The following GRIK2 variants were observed in gnomAD, a reference collection of about 807,000 sequenced individuals.
The protein encoded by GRIK2 is glutamate receptor ionotropic, kainate 2.
A neutral mutation model predicts 100.3 loss-of-function variants in GRIK2; 32 were observed. That is an observed-to-expected ratio of 0.32 (90% CI 0.24 to 0.43). The LOEUF (loss-of-function observed/expected upper bound fraction) is 0.43. Among genes scored for constraint, GRIK2 ranks in the 20% least tolerant of loss-of-function variants. GRIK2 has a pLI of 1.00. For synonymous variants in GRIK2, 417 were observed against 389.4 expected, an observed-to-expected ratio of 1.07 and a Z score of -0.83; for missense variants, 843 against 1,114.9, an observed-to-expected ratio of 0.76 and a Z score of 3.47.
intron 2 of GRIK2, among the ~76,000 whole-genome samples, chr6:101,477,843 A>C (rs1169796854): frequency 6.6e-6 from 1 of 152,212 alleles, no homozygotes; most frequent in Non-Finnish European, 1.5e-5. Flanking sequence ...TTAGACTGTA[A>C]TTTACATTTA....
At chr6:101,612,844 G>T (rs1779742192) in intron 2 of GRIK2, among the ~76,000 whole-genome samples, 1 of 151,344 alleles carries the variant, frequency 6.6e-6, no homozygotes, top group Non-Finnish European at 1.5e-5. Flanking sequence ...GGTTCAATCA[G>T]GTAAAGGTAA....
intron 2 of GRIK2, among the ~76,000 whole-genome samples, chr6:101,505,874 CG>C (rs1251989168): frequency 2.0e-5 from 3 of 150,498 alleles, no homozygotes; most frequent in East Asian, 3.9e-4. Flanking sequence ...CCATAAGAAA[CG>C]TTTTTTTAAA....
intron 2 of GRIK2, among the ~76,000 whole-genome samples, chr6:101,578,200 C>G (rs1777878925): frequency 2.0e-5 from 3 of 152,150 alleles, no homozygotes; most frequent in Admixed American, 2.0e-4. Context: ...GCTCTCCATT[C>G]CCTCTTTTCC....
chr6:101,476,155 T>C (rs902706961), intron 2 of GRIK2, among the ~76,000 whole-genome samples: 1 of 152,106 alleles, frequency 6.6e-6, no homozygotes, highest in African/African-American at 2.4e-5. Flanking sequence ...TACCATATGA[T>C]GAATTTAGTA....
chr6:101,911,306 T>C (rs1444318204), intron 12 of GRIK2, among the ~76,000 whole-genome samples: 1 of 151,532 alleles, frequency 6.6e-6, no homozygotes, highest in Admixed American at 6.6e-5. Context: ...GTTTGCCTCA[T>C]TACATGAATC....
intron 2 of GRIK2, among the ~76,000 whole-genome samples, chr6:101,618,881 C>T (rs1042191740): frequency 6.6e-6 from 1 of 150,878 alleles, no homozygotes; most frequent in Non-Finnish European, 1.5e-5. Flanking sequence ...ACTTCCTCCT[C>T]TTATATATAA....
chr6:101,549,091 G>A (rs1397844566), intron 2 of GRIK2, among the ~76,000 whole-genome samples: 4 of 151,998 alleles, frequency 2.6e-5, no homozygotes, highest in Non-Finnish European at 5.9e-5. Context: ...TTAATTTAGG[G>A]GATATTAAAA....
At chr6:101,850,684 T>C (rs544573255) in intron 10 of GRIK2, among the ~76,000 whole-genome samples, 1 of 152,132 alleles carries the variant, frequency 6.6e-6, no homozygotes, top group African/African-American at 2.4e-5. Context: ...GATAAAAATA[T>C]ATGAGTTATT....
chr6:101,880,270 G>C (rs1470382559), intron 11 of GRIK2, among the ~76,000 whole-genome samples: 1 of 151,958 alleles, frequency 6.6e-6, no homozygotes, highest in Non-Finnish European at 1.5e-5. Flanking sequence ...CTGCTAATTG[G>C]ACAGTTTGGG....
chr6:101,829,712 G>A (rs115444705), intron 10 of GRIK2, among the ~76,000 whole-genome samples: 2,241 of 151,892 alleles, frequency 0.015, 60 homozygotes, highest in African/African-American at 0.051. Context: ...TTTATGAGGA[G>A]CACTAAAGAC....
At chr6:101,923,633 T>A (rs1208002098) in intron 12 of GRIK2, among the ~76,000 whole-genome samples, 1 of 152,104 alleles carries the variant, frequency 6.6e-6, no homozygotes, top group Non-Finnish European at 1.5e-5. Context: ...CTAAAACTGC[T>A]TTGATGGCTC....
chr6:101,935,949 T>G (rs1487192264), intron 14 of GRIK2, among the ~76,000 whole-genome samples: 1 of 152,098 alleles, frequency 6.6e-6, no homozygotes, highest in African/African-American at 2.4e-5. Flanking sequence ...CCAAAAACTA[T>G]TCTTGCCAAC....
chr6:101,837,016 A>G (rs867041806), intron 10 of GRIK2, among the ~76,000 whole-genome samples: 1 of 152,076 alleles, frequency 6.6e-6, no homozygotes, highest in Admixed American at 6.6e-5. Context: ...TGTTGGGCAT[A>G]TTCAATCCAG....
chr6:101,964,279 A>G (rs1313383026), intron 14 of GRIK2, among the ~76,000 whole-genome samples: 1 of 151,838 alleles, frequency 6.6e-6, no homozygotes, highest in African/African-American at 2.4e-5. Context: ...GATTTTGTGT[A>G]TGATATAACA....
At chr6:101,538,179 A>G (rs918981012) in intron 2 of GRIK2, among the ~76,000 whole-genome samples, 6 of 151,742 alleles carry the variant, frequency 4.0e-5, no homozygotes, top group Non-Finnish European at 7.4e-5. Context: ...AACTGTCTCA[A>G]GATGCTATGA....
chr6:101,684,266 T>A (rs1418234407), intron 6 of GRIK2, among the ~76,000 whole-genome samples: 2 of 152,164 alleles, frequency 1.3e-5, no homozygotes, highest in African/African-American at 4.8e-5. Flanking sequence ...CGTAAGATTT[T>A]GGGGAAATCA....
At chr6:101,567,120 A>T (rs1291478615) in intron 2 of GRIK2, among the ~76,000 whole-genome samples, 1 of 151,802 alleles carries the variant, frequency 6.6e-6, no homozygotes, top group African/African-American at 2.4e-5. Flanking sequence ...CTACAAACAT[A>T]TATTTCATTG....
At chr6:101,413,160 A>G (rs1775960868) in intron 2 of GRIK2, among the ~76,000 whole-genome samples, 1 of 152,040 alleles carries the variant, frequency 6.6e-6, no homozygotes, top group Non-Finnish European at 1.5e-5. Context: ...TACTATGTGT[A>G]AGATGACTAA....
At chr6:101,939,556 TAAAC>T (rs768650741) in intron 14 of GRIK2, among the ~76,000 whole-genome samples, 2 of 152,148 alleles carry the variant, frequency 1.3e-5, no homozygotes, top group Non-Finnish European at 2.9e-5. Flanking sequence ...AGATTATTAA[TAAAC>T]AAATATTCTG....
Sources: gnomAD v4.1 joint callset for allele counts (sites outside exome capture counted in the v4.1 genomes callset) on GRCh38, gnomAD v4.1.1 for gene constraint, MANE v1.5 for transcripts, NCBI Gene and HGNC (gene_info 2026-07-23, HGNC 2026-07-21) for gene names.